Variants in CGAS observed in about 807,000 individuals in gnomAD.
The protein encoded by CGAS is 2'3'-cGAMP synthase.
A neutral mutation model predicts 34.0 loss-of-function variants in CGAS; 31 were observed. The ratio of observed to expected loss-of-function variants is 0.91; its 90% CI spans 0.69 to 1.23. The LOEUF is 1.23. Ranked by LOEUF, CGAS falls within the 50% of genes most tolerant of loss-of-function variation. The pLI, the probability that CGAS is intolerant of heterozygous loss-of-function variation, is 0.00. For missense variants in CGAS, 597 were observed against 657.6 expected, an observed-to-expected ratio of 0.91 and a Z score of 1.01; for synonymous variants, 266 against 260.0, an observed-to-expected ratio of 1.02 and a Z score of -0.22.
intron 1 of CGAS, among the ~76,000 whole-genome samples, chr6:73,447,538 C>T (rs760808761): frequency 3.9e-5 from 6 of 152,200 alleles, no homozygotes; most frequent in Non-Finnish European, 8.8e-5. Flanking sequence ...CCTGCCTCTA[C>T]TCCCAAAGTG....
At position 73,424,501 on chromosome 6, in the gene CGAS, TTGA is replaced by T. The variant is rs1409339556; in HGVS notation, c.*723_*725del. 2 of 152,122 alleles carry T rather than the reference TTGA, an allele frequency of 1.3e-5. No homozygotes were observed. The highest frequency in any genetic ancestry group is 4.8e-5 in the African/African-American group (2 of 41,442). 9.4% of individuals were successfully genotyped at this position (152,122 alleles called of 1,614,324 possible). On this transcript the variant is annotated 3_prime_UTR_variant, in exon 5 of 5. Coordinates refer to ENST00000370315, the MANE Select transcript of CGAS (RefSeq NM_138441.3). ...CGGAGAGCTGTTTTTCAGTAAGAAC[TTGA>T]TGAATTTAATTAAGGCAATATGTAC...
At chr6:73,450,342 G>T (rs1389892890) in intron 1 of CGAS, among the ~76,000 whole-genome samples, 1 of 151,444 alleles carries the variant, frequency 6.6e-6, no homozygotes, top group Non-Finnish European at 1.5e-5. Context: ...TTGAACCTGG[G>T]AGGTGGAGGT....
At chr6:73,448,129 C>A (rs1201718531) in intron 1 of CGAS, among the ~76,000 whole-genome samples, 2 of 152,302 alleles carry the variant, frequency 1.3e-5, no homozygotes, top group East Asian at 1.9e-4. Context: ...CAGTGGCTCA[C>A]GCCTGTAATC....
intron 3 of CGAS, among the ~76,000 whole-genome samples, chr6:73,438,156 T>G (rs1346003160): frequency 6.6e-6 from 1 of 152,238 alleles, no homozygotes; most frequent in Non-Finnish European, 1.5e-5. Flanking sequence ...TCTAGTAGAA[T>G]GTTTAGAGAA....
chr6:73,449,253 G>A (rs920775030), intron 1 of CGAS, among the ~76,000 whole-genome samples: 1 of 151,844 alleles, frequency 6.6e-6, no homozygotes, highest in Non-Finnish European at 1.5e-5. Context: ...AAGGCGGGAA[G>A]ATCATGAGGT....
intron 2 of CGAS, among the ~76,000 whole-genome samples, chr6:73,443,701 T>C (rs1440232284): frequency 6.6e-6 from 1 of 152,244 alleles, no homozygotes; most frequent in Non-Finnish European, 1.5e-5. Flanking sequence ...TTTCCATTTG[T>C]TATTAATTGT....
rs147681515 is a variant in CGAS, at chr6:73,424,250, T to C, written c.*977A>G. ...GAGATCGAGACCATCCTGGCTAACA[T>C]GGTGAAACCCCATCTTTACTAAAAA... On this transcript the variant is annotated 3_prime_UTR_variant, in exon 5 of 5. Transcript: ENST00000370315. 0.025 allele frequency: 3,783 copies of C among 152,144 alleles called. 66 individuals are homozygous for C. Among genetic ancestry groups the C allele is most frequent in the Middle Eastern group, 0.037 (11 of 294 alleles). The allele number at this position is 152,144 out of a possible 1,614,324, so 9.4% of individuals were successfully genotyped here.
In CGAS at chr6:73,451,805, G is replaced by A; in HGVS notation, c.377C>T (p.Ala126Val). 1 of 1,564,380 alleles carries A rather than the reference G, an allele frequency of 6.4e-7. No individual in the cohort carries two copies. Among genetic ancestry groups the A allele is most frequent in the East Asian group, 2.4e-5 (1 of 41,362 alleles). ...AGGTCTTGGCTTCGTGGAGCAGCGC[G>A]CGCCCCTCTGGCGGCAAGAACCAGC... ...SRAGSCRQRG[A>V]RCSTKPRPPP... The change falls in exon 1 of 5, where the codon GCG becomes GTG. Residue 126 changes from alanine (A) to valine (V), a missense_variant. Physicochemically the swap from Ala to Val is moderately conservative, Grantham distance 64. Coordinates refer to ENST00000370315, the MANE Select transcript of CGAS (RefSeq NM_138441.3).
rs369121196 is a variant in CGAS at position 73,431,668 on chromosome 6, T to C, written c.1115-2857A>G. Among the ~76,000 whole-genome samples, 698 of 152,292 alleles carry C rather than the reference T, an allele frequency of 4.6e-3. 12 individuals carry two copies. In the South Asian group the frequency reaches 0.055, roughly 12 times the overall value. On this transcript the variant is annotated intron_variant, in intron 3 of 4. Transcript: ENST00000370315. ...ATAAAAAAGTTATGAAAGAGGAAGT[T>C]ATGAGTTAAAAGAGATTTAACAGAC...
chr6:73,444,970 C>T (rs1425634855), intron 2 of CGAS, among the ~76,000 whole-genome samples: 1 of 152,050 alleles, frequency 6.6e-6, no homozygotes, highest in Non-Finnish European at 1.5e-5. Context: ...TGAGGCAAAA[C>T]ATAGTTTGGT....
At chr6:73,449,090 A>C (rs964864137) in intron 1 of CGAS, among the ~76,000 whole-genome samples, 22 of 151,056 alleles carry the variant, frequency 1.5e-4, no homozygotes, top group East Asian at 3.9e-4. Context: ...CTCCATCCCC[A>C]AAAAAAAAGA....
At chr6:73,449,498 C>CACACACACAA (rs1474287377) in intron 1 of CGAS, among the ~76,000 whole-genome samples, 1 of 151,526 alleles carries the variant, frequency 6.6e-6, no homozygotes, top group Non-Finnish European at 1.5e-5. Flanking sequence ...CACACACACA[C>CACACACACAA]ACACACACAC....
At chr6:73,443,428 C>CG (rs889165003) in intron 2 of CGAS, among the ~76,000 whole-genome samples, 5 of 151,728 alleles carry the variant, frequency 3.3e-5, no homozygotes, top group South Asian at 2.1e-4. Context: ...TTAGTCAAGA[C>CG]GGGGTTTCAC....
intron 1 of CGAS, among the ~76,000 whole-genome samples, chr6:73,449,852 G>T (rs544883746): frequency 6.6e-6 from 1 of 151,654 alleles, no homozygotes; most frequent in African/African-American, 2.4e-5. Context: ...TAAATTAGCC[G>T]GGAGTGGGGG....
Position 73,423,902 on chromosome 6 carries a change from A to G in CGAS, c.*1325T>C, listed in dbSNP as rs1770033414. On this transcript the variant is annotated 3_prime_UTR_variant, in exon 5 of 5. Coordinates refer to ENST00000370315, the MANE Select transcript of CGAS (RefSeq NM_138441.3). The stretch of plus-strand genomic sequence containing the variant: ...GTTACACAGACAACGAATGAAAGAT[A>G]AATACCCCAAATATATTAAGAACTT... The G allele has an allele frequency of 6.6e-6, 1 of 152,206 alleles. No individual in the cohort carries two copies. Among genetic ancestry groups the G allele is most frequent in the Admixed American group, 6.6e-5 (1 of 15,266 alleles). 9.4% of individuals were successfully genotyped at this position (152,206 alleles called of 1,614,324 possible).
At chr6:73,449,476 A>AACACACACACACACACACACAC (rs144519687) in intron 1 of CGAS, among the ~76,000 whole-genome samples, 108 of 142,894 alleles carry the variant, frequency 7.6e-4, no homozygotes, top group East Asian at 5.4e-3. Flanking sequence ...CTCTGTCTCA[A>AACACACACACACACACACACAC]ACACACACAC....
intron 3 of CGAS, 66 bp from the exon 4 acceptor site, chr6:73,428,877 A>T: frequency 7.2e-7 from 1 of 1,391,442 alleles, no homozygotes; most frequent in Non-Finnish European, 9.9e-7. Context: ...ACAATATTCA[A>T]GTGGTTTCCC....
At position 73,446,891 on chromosome 6, in the gene CGAS, A is replaced by G. The variant is rs1430866510; in HGVS notation, c.658-1144T>C. 2.0e-5 allele frequency among the ~76,000 whole-genome samples: 3 copies of G among 152,024 alleles called. No individual in the cohort carries two copies. In the East Asian group the frequency reaches 5.8e-4, roughly 29 times the overall value. ...GCCAACATGGTGGAACTTCGTCTCT[A>G]TTAAAAATATGAAAATTAGCTAGGT... On this transcript the variant is annotated intron_variant, in intron 1 of 4. Transcript: ENST00000370315.
intron 1 of CGAS, among the ~76,000 whole-genome samples, chr6:73,446,672 G>A (rs1463080669): frequency 1.3e-4 from 2 of 14,838 alleles, no homozygotes; most frequent in African/African-American, 6.6e-4. Flanking sequence ...AGCTTGCAGT[G>A]AGCCGAGATT....
Sources: allele counts gnomAD v4.1 joint callset (sites outside exome capture counted in the v4.1 genomes callset), GRCh38; gene constraint gnomAD v4.1.1; transcripts MANE v1.5; gene names NCBI Gene and HGNC (gene_info 2026-07-23, HGNC 2026-07-21).